Variants in FBXW4 observed in about 807,000 individuals in gnomAD.
The protein encoded by FBXW4 is F-box and WD repeat domain containing 4, also known as F-box/WD repeat-containing protein 4.
A neutral mutation model predicts 61.8 loss-of-function variants in FBXW4; 40 were observed. The ratio of observed to expected loss-of-function variants is 0.65; its 90% CI spans 0.50 to 0.84. FBXW4 has a LOEUF of 0.84. Ranked by LOEUF, FBXW4 falls within the 40% of genes least tolerant of loss-of-function variation. The pLI, the probability that FBXW4 is intolerant of heterozygous loss-of-function variation, is 0.00. For synonymous variants in FBXW4, 311 were observed against 313.8 expected (o/e 0.99, Z 0.10); for missense variants, 672 against 753.8 (o/e 0.89, Z 1.27).
intron 5 of FBXW4, chr10:101,660,327 T>TGGGTGGG: frequency 8.1e-5 from 1 of 12,422 alleles, no homozygotes; most frequent in Non-Finnish European, 1.5e-4. Context: ...GAAGTTGGGT[T>TGGGTGGG]GGGAGGGGGG....
At chr10:101,644,367 C>T (rs2064078958) in intron 5 of FBXW4, among the ~76,000 whole-genome samples, 1 of 152,224 alleles carries the variant, frequency 6.6e-6, no homozygotes, top group Non-Finnish European at 1.5e-5. Context: ...GTCATCCTCC[C>T]AATCTGCATC....
chr10:101,689,502 C>T (rs574529382), intron 1 of FBXW4, among the ~76,000 whole-genome samples: 8 of 152,266 alleles, frequency 5.3e-5, no homozygotes, highest in Admixed American at 4.6e-4. Flanking sequence ...CCTTTCCAAA[C>T]GCCGAAGACA....
chr10:101,651,458 T>G (rs1177518277), intron 5 of FBXW4, among the ~76,000 whole-genome samples: 1 of 152,192 alleles, frequency 6.6e-6, no homozygotes, highest in East Asian at 1.9e-4. Flanking sequence ...AGGTCAGGGC[T>G]GGGTCTCCCA....
chr10:101,633,779 A>G (rs2063978324), intron 5 of FBXW4, among the ~76,000 whole-genome samples: 1 of 152,166 alleles, frequency 6.6e-6, no homozygotes, highest in Non-Finnish European at 1.5e-5. Flanking sequence ...ACAAACTGTT[A>G]TTATATACTA....
intron 5 of FBXW4, among the ~76,000 whole-genome samples, chr10:101,658,857 C>G (rs2064216299): frequency 6.6e-6 from 1 of 151,978 alleles, no homozygotes; most frequent in African/African-American, 2.4e-5. Flanking sequence ...TCATGAAGAT[C>G]CCTCTTTTGA....
Position 101,685,936 on chromosome 10 carries a change from T to C in FBXW4, c.725+8445A>G, listed in dbSNP as rs116144799. Among the ~76,000 whole-genome samples the C allele has an allele frequency of 4.5e-3, 687 of 152,344 alleles. 7 individuals are homozygous for C. The highest frequency in any genetic ancestry group is 0.016 in the African/African-American group (656 of 41,580). ...AGGCCCTTCCTTAAAATGTGTAACA[T>C]ACCACATCTTCAAGAATTCAACCAA... On this transcript the variant is annotated intron_variant, in intron 1 of 8. Transcript: ENST00000331272.
At chr10:101,683,962 TTTAA>T (rs1370821298) in intron 1 of FBXW4, among the ~76,000 whole-genome samples, 8 of 152,016 alleles carry the variant, frequency 5.3e-5, no homozygotes, top group East Asian at 1.9e-4. Flanking sequence ...TTTATTTTAT[TTTAA>T]TTAATTAATT....
intron 5 of FBXW4, among the ~76,000 whole-genome samples, chr10:101,638,484 C>A (rs2064023104): frequency 2.0e-5 from 3 of 148,066 alleles, no homozygotes; most frequent in South Asian, 4.3e-4. Context: ...TACTGGATGT[C>A]CTGCAAAAAA....
chr10:101,622,656 A>C (rs2063876139), intron 6 of FBXW4, among the ~76,000 whole-genome samples: 1 of 142,474 alleles, frequency 7.0e-6, no homozygotes, highest in African/African-American at 2.6e-5. Context: ...TGAACTCAGG[A>C]GGCAGAGCTT....
Position 101,675,887 on chromosome 10 carries a change from T to C in FBXW4, c.821+454A>G, listed in dbSNP as rs145262524. ...CTTTAGATCCTACCCTGCCTTTTAA[T>C]AAAGTAGGGGAGAGGACTCAGGGAA... On this transcript the variant is annotated intron_variant, in intron 2 of 8. Coordinates refer to ENST00000331272, the MANE Select transcript of FBXW4 (RefSeq NM_022039.4). Among the ~76,000 whole-genome samples the C allele has an allele frequency of 2.3e-4, 35 of 152,302 alleles. No homozygotes were observed. In the East Asian group the frequency reaches 6.6e-3, roughly 29 times the overall value.
chr10:101,675,291 T>C (rs968044630), intron 2 of FBXW4, among the ~76,000 whole-genome samples: 1 of 151,872 alleles, frequency 6.6e-6, no homozygotes, highest in Non-Finnish European at 1.5e-5. Context: ...ACAGAGAGGG[T>C]GGGAATTTTT....
Position 101,655,656 on chromosome 10 carries a change from A to G in FBXW4, c.1235+12230T>C, listed in dbSNP as rs559226183. Among the ~76,000 whole-genome samples, 88 of 152,340 alleles carry G rather than the reference A, an allele frequency of 5.8e-4. 1 individual carries two copies. Among genetic ancestry groups the G allele is most frequent in the African/African-American group, 2.1e-3 (87 of 41,554 alleles). Reference sequence around the variant, plus strand: ...AGACCCAGGTTTCTCTAGGACAGCTAAAGCTGCAGCTGCAACAAGGCGGAA... The same window carrying G: ...AGACCCAGGTTTCTCTAGGACAGCTGAAGCTGCAGCTGCAACAAGGCGGAA... On this transcript the variant is annotated intron_variant, in intron 5 of 8. Transcript: ENST00000331272.
At chr10:101,685,893 C>A (rs1439777963) in intron 1 of FBXW4, among the ~76,000 whole-genome samples, 2 of 152,152 alleles carry the variant, frequency 1.3e-5, no homozygotes, top group African/African-American at 4.8e-5. Flanking sequence ...ACACTTTGAA[C>A]AACACCCGTA....
At chr10:101,615,669 C>A (rs908973959) in intron 6 of FBXW4, among the ~76,000 whole-genome samples, 2 of 152,138 alleles carry the variant, frequency 1.3e-5, no homozygotes, top group Admixed American at 1.3e-4. Flanking sequence ...AGGGAGAGAA[C>A]TTCCTGCCAG....
At chr10:101,666,219 A>C (rs1333253908) in intron 5 of FBXW4, among the ~76,000 whole-genome samples, 1 of 152,094 alleles carries the variant, frequency 6.6e-6, no homozygotes, top group Non-Finnish European at 1.5e-5. Flanking sequence ...CGATTGCTAG[A>C]ATGATTTGTT....
chr10:101,631,782 C>T (rs1261688897), intron 5 of FBXW4, among the ~76,000 whole-genome samples: 3 of 152,078 alleles, frequency 2.0e-5, no homozygotes, highest in African/African-American at 7.2e-5. Context: ...CGCATGCCAC[C>T]ACGCCTGGCT....
chr10:101,639,070 G>A (rs2064028422), intron 5 of FBXW4, among the ~76,000 whole-genome samples: 1 of 152,178 alleles, frequency 6.6e-6, no homozygotes, highest in South Asian at 2.1e-4. Flanking sequence ...AGCAAGCCCT[G>A]GTGCACGTGT....
At chr10:101,665,816 A>G (rs772482029) in intron 5 of FBXW4, among the ~76,000 whole-genome samples, 30 of 152,128 alleles carry the variant, frequency 2.0e-4, no homozygotes, top group Non-Finnish European at 3.5e-4. Context: ...ATTCCAGAGG[A>G]GGAGGCTGGA....
chr10:101,636,196 A>T (rs1312578236), intron 5 of FBXW4, among the ~76,000 whole-genome samples: 1 of 151,972 alleles, frequency 6.6e-6, no homozygotes, highest in East Asian at 1.9e-4. Context: ...CTAAAAATAC[A>T]AAAAAAGAAA....
Sources: gnomAD v4.1 joint callset for allele counts (sites outside exome capture counted in the v4.1 genomes callset) on GRCh38, gnomAD v4.1.1 for gene constraint, MANE v1.5 for transcripts, NCBI Gene and HGNC (gene_info 2026-07-23, HGNC 2026-07-21) for gene names.